The following GATA4 variants were observed in gnomAD, a reference collection of about 807,000 sequenced individuals.
The protein encoded by GATA4 is transcription factor GATA-4.
Under a neutral mutation model 37.9 loss-of-function variants are expected in GATA4, and 7 were observed. The ratio of observed to expected loss-of-function variants is 0.18; its 90% CI spans 0.11 to 0.35. GATA4 has a LOEUF of 0.35. Ranked by LOEUF, GATA4 falls within the 10% of genes least tolerant of loss-of-function variation. GATA4 has a pLI of 1.00. For synonymous variants in GATA4, 372 were observed against 292.6 expected (o/e 1.27, Z -2.77); for missense variants, 647 against 653.0 (o/e 0.99, Z 0.10).
At chr8:11,680,541 G>T in intron 1 of GATA4, 2 of 985,426 alleles carry the variant, frequency 2.0e-6, no homozygotes, top group Non-Finnish European at 2.4e-6. Context: ...TCGCGCCGAC[G>T]TCCTTCGTGG....
intron 2 of GATA4, among the ~76,000 whole-genome samples, chr8:11,722,606 T>A (rs142375728): frequency 3.3e-5 from 5 of 152,352 alleles, no homozygotes; most frequent in African/African-American, 9.6e-5. Flanking sequence ...TTCTGTTTGC[T>A]AAAGAAATGA....
At chr8:11,692,780 G>C (rs1258788610) in intron 1 of GATA4, 1 of 982,454 alleles carries the variant, frequency 1.0e-6, no homozygotes, top group Non-Finnish European at 1.2e-6. Context: ...AAGCGAGGCT[G>C]CCGAGGGGAG....
At chr8:11,698,755 G>A (rs978472775) in intron 1 of GATA4, among the ~76,000 whole-genome samples, 1 of 152,118 alleles carries the variant, frequency 6.6e-6, no homozygotes, top group African/African-American at 2.4e-5. Flanking sequence ...CCAAATCCTG[G>A]CTGTGCACAG....
chr8:11,679,323 G>C (rs1195376135), intron 1 of GATA4, among the ~76,000 whole-genome samples: 1 of 152,136 alleles, frequency 6.6e-6, no homozygotes, highest in Non-Finnish European at 1.5e-5. Context: ...GGGGATGGGG[G>C]AGGAAGGGGA....
Position 11,709,576 on chromosome 8 carries a change from G to GGGGGGGGGGA in GATA4, c.616+657_616+658insAGGGGGGGGG, listed in dbSNP as rs1554488895. On this transcript the variant is annotated intron_variant, in intron 2 of 6. Transcript: ENST00000532059. This position sits in a 1 kb window ranked among gnomAD's most constrained non-coding sequence, Gnocchi z 4.3. ...CGCGTGGGCGCATCATGCGGGCAGC[G>GGGGGGGGGGA]GGGGGGGGGGCGCACACGCCCGGTC... Among the ~76,000 whole-genome samples, 1 of 41,646 alleles carries GGGGGGGGGGA rather than the reference G, an allele frequency of 2.4e-5. No homozygotes were observed. The highest frequency in any genetic ancestry group is 7.6e-4 in the South Asian group (1 of 1,308). The allele number at this position is 41,646 out of a possible 152,430, so 27.3% of individuals were successfully genotyped here. A position where few individuals can be genotyped will look rare whatever the true frequency, so the allele number is the denominator to read the frequency against.
chr8:11,744,778 T>G (rs1011084747), intron 2 of GATA4, among the ~76,000 whole-genome samples: 4 of 152,176 alleles, frequency 2.6e-5, no homozygotes, highest in Non-Finnish European at 5.9e-5. Context: ...TTGGATGTCT[T>G]TAGGAAGCAT....
intron 2 of GATA4, among the ~76,000 whole-genome samples, chr8:11,720,593 C>T (rs1175985960): frequency 1.3e-5 from 2 of 152,110 alleles, no homozygotes; most frequent in Non-Finnish European, 2.9e-5. Context: ...TACTCGTCTC[C>T]CTCCTCCCAC....
upstream of GATA4, among the ~76,000 whole-genome samples, chr8:11,688,614 G>A (rs1415730674): frequency 6.6e-6 from 1 of 152,336 alleles, no homozygotes; most frequent in East Asian, 1.9e-4. Context: ...GTCAGTGGGT[G>A]TCAGGGGAGT....
chr8:11,749,527 C>A lies in GATA4; in HGVS notation c.786+442C>A, dbSNP rs893994947. On this transcript the variant is annotated intron_variant, in intron 3 of 6. Coordinates refer to ENST00000532059, the MANE Select transcript of GATA4 (RefSeq NM_001308093.3). This position sits in a 1 kb window ranked among gnomAD's most constrained non-coding sequence, Gnocchi z 4.6. ...AAATCCCAAAGCCCAGAAGTGCAAG[C>A]AGCTTGTGTTGGGCCCCGTGGCTAG... Among the ~76,000 whole-genome samples the A allele has an allele frequency of 6.6e-6, 1 of 152,198 alleles. No homozygotes were observed. Among genetic ancestry groups the A allele is most frequent in the African/African-American group, 2.4e-5 (1 of 41,456 alleles).
intron 1 of GATA4, chr8:11,692,989 C>T (rs1268829407): frequency 1.0e-6 from 1 of 985,238 alleles, no homozygotes; most frequent in Non-Finnish European, 1.2e-6. Context: ...ATCCATCACC[C>T]GGGCTGCACC....
At chr8:11,705,273 G>A (rs985654335) in intron 1 of GATA4, among the ~76,000 whole-genome samples, 11 of 152,226 alleles carry the variant, frequency 7.2e-5, no homozygotes, top group Non-Finnish European at 1.3e-4. Context: ...GGCTTTTAAA[G>A]AAAGCCTGGG....
chr8:11,729,958 C>T (rs1325061183), intron 2 of GATA4, among the ~76,000 whole-genome samples: 2 of 151,886 alleles, frequency 1.3e-5, no homozygotes, highest in African/African-American at 2.4e-5. Flanking sequence ...GAAGGTCTTG[C>T]TCCATTGCCC....
chr8:11,680,985 C>T, intron 1 of GATA4: 1 of 968,600 alleles, frequency 1.0e-6, no homozygotes, highest in Non-Finnish European at 1.2e-6. Flanking sequence ...CAATATCCCC[C>T]TGCAGAGAGA....
rs1217555878 is a variant in GATA4 at position 11,758,383 on chromosome 8, C to G, written c.1240C>G (p.Pro414Ala). The change falls in exon 7 of 7, where the codon CCC becomes GCC. Residue 414 changes from proline to alanine, a missense_variant. Physicochemically the swap from Pro to Ala is conservative, Grantham distance 27. This residue lies in a region of GATA4 where 184 missense variants were observed against 157.1 expected (regional missense o/e 1.17). Coordinates refer to ENST00000532059, the MANE Select transcript of GATA4 (RefSeq NM_001308093.3). ...LKLSPQGYAS[P>A]VSQSPQTSSK... ...GCTCTCCCCACAAGGCTATGCGTCT[C>G]CCGTCAGCCAGTCTCCACAGACCAG... The G allele has an allele frequency of 2.5e-5, 40 of 1,614,106 alleles. No individual in the cohort carries two copies. Among genetic ancestry groups the G allele is most frequent in the Non-Finnish European group, 3.1e-5 (36 of 1,180,036 alleles).
chr8:11,711,244 C>T (rs1800169367), intron 2 of GATA4, among the ~76,000 whole-genome samples: 1 of 152,200 alleles, frequency 6.6e-6, no homozygotes, highest in Admixed American at 6.5e-5. Flanking sequence ...GCTGACCTCC[C>T]TGTGCGTCTC....
At chr8:11,701,725 G>C (rs933673120), upstream of GATA4, among the ~76,000 whole-genome samples, 1 of 152,202 alleles carries the variant, frequency 6.6e-6, no homozygotes, top group Non-Finnish European at 1.5e-5. Flanking sequence ...AGAGGAAAAA[G>C]CCACAAGAAA....
At chr8:11,713,651 A>G (rs1204583338) in intron 2 of GATA4, among the ~76,000 whole-genome samples, 3 of 151,804 alleles carry the variant, frequency 2.0e-5, no homozygotes, top group African/African-American at 7.3e-5. Flanking sequence ...AAAAAAAAAG[A>G]AAAAAAAGAC....
intron 1 of GATA4, chr8:11,681,299 G>A: frequency 2.0e-6 from 2 of 985,412 alleles, no homozygotes; most frequent in Non-Finnish European, 2.4e-6. Flanking sequence ...TTCCGGGGAA[G>A]AGCACTGTCT....
chr8:11,734,907 C>G (rs1760176314), intron 2 of GATA4, among the ~76,000 whole-genome samples: 1 of 152,154 alleles, frequency 6.6e-6, no homozygotes, highest in Admixed American at 6.5e-5. Context: ...ATTGCAAGAT[C>G]TAAATTTGGG....
Sources: gnomAD v4.1 joint callset for allele counts (sites outside exome capture counted in the v4.1 genomes callset) on GRCh38, gnomAD v4.1.1 for gene constraint, gnomAD v4.1.1 regional missense constraint, Gnocchi (gnomAD v3.1) non-coding constraint, MANE v1.5 for transcripts, NCBI Gene and HGNC (gene_info 2026-07-23, HGNC 2026-07-21) for gene names.